Variants in PTPRN2 observed in about 807,000 individuals in gnomAD.
The protein encoded by PTPRN2 is receptor-type tyrosine-protein phosphatase N2.
A neutral mutation model predicts 118.8 loss-of-function variants in PTPRN2; 74 were observed. The ratio of observed to expected loss-of-function variants is 0.62; its 90% CI spans 0.52 to 0.76. PTPRN2 has a LOEUF of 0.76. Among genes scored for constraint, PTPRN2 ranks in the 30% least tolerant of loss-of-function variants. The probability of loss-of-function intolerance (pLI) is 0.00; values close to 1 mark genes in which losing one functional copy is unlikely to be tolerated. For missense variants in PTPRN2, 1,481 were observed against 1,394.4 expected (o/e 1.06, Z -0.99); for synonymous variants, 641 against 608.0 (o/e 1.05, Z -0.80).
chr7:158,440,817 AGTAGTGGTG>A (rs1816967687), intron 2 of PTPRN2, among the ~76,000 whole-genome samples: 1 of 28,870 alleles, frequency 3.5e-5, no homozygotes, highest in Non-Finnish European at 8.0e-5. Context: ...TGGTGGTAGT[AGTAGTGGTG>A]GTGGTGGTGA....
rs185389923 is a variant in PTPRN2 at position 158,109,187 on chromosome 7, T to A, written c.1643+1642A>T. On this transcript the variant is annotated intron_variant, in intron 10 of 22. Coordinates refer to ENST00000389418, the MANE Select transcript of PTPRN2 (RefSeq NM_002847.5). ...ATGTGTGAAAGAGACAGTGAGTGAA[T>A]GACATCACCCCTGTGTGAAGACTCA... Among the ~76,000 whole-genome samples the A allele has an allele frequency of 8.9e-5, 13 of 146,432 alleles. No individual in the cohort carries two copies. The East Asian group carries it at 2.7e-3, about 30-fold the overall frequency.
At chr7:157,684,847 G>C (rs1365142794) in intron 12 of PTPRN2, among the ~76,000 whole-genome samples, 1 of 152,014 alleles carries the variant, frequency 6.6e-6, no homozygotes, top group Non-Finnish European at 1.5e-5. Flanking sequence ...GCCCCGCCCT[G>C]TGCCCTCCTG....
chr7:157,903,853 G>A lies in PTPRN2; in HGVS notation c.1724-5116C>T, dbSNP rs1190626421. Among the ~76,000 whole-genome samples the A allele has an allele frequency of 1.3e-5, 2 of 152,156 alleles. No individual in the cohort carries two copies. Among genetic ancestry groups the A allele is most frequent in the Non-Finnish European group, 2.9e-5 (2 of 68,034 alleles). ...CACTTCAATCCGTCTCCCCATCCAG[G>A]CTGTGGATTTCCATGCACGCTTCAC... On this transcript the variant is annotated intron_variant, in intron 11 of 22. Coordinates refer to ENST00000389418, the MANE Select transcript of PTPRN2 (RefSeq NM_002847.5). The surrounding 1 kb of genome is among the most constrained non-coding windows in gnomAD (Gnocchi z 4.2).
In PTPRN2 at chr7:158,204,058, C is replaced by G. The variant is rs1276776816; in HGVS notation, c.380+1113G>C. Among the ~76,000 whole-genome samples, 7 of 150,696 alleles carry G rather than the reference C, an allele frequency of 4.6e-5. No homozygotes were observed. The South Asian group carries it at 6.3e-4, about 14-fold the overall frequency. ...CCGCGTTCTGGGGAAAGACACGGCC[C>G]CTGCCCTCAGCGAGCGCCGTGTGGT... On this transcript the variant is annotated intron_variant, in intron 4 of 22. Transcript: ENST00000389418.
intron 12 of PTPRN2, among the ~76,000 whole-genome samples, chr7:157,823,682 T>C (rs1806992068): frequency 6.6e-6 from 1 of 152,190 alleles, no homozygotes; most frequent in African/African-American, 2.4e-5. Flanking sequence ...CAAGGACTGG[T>C]GAAGTTTTCA....
chr7:158,330,476 C>A (rs1804144196), intron 2 of PTPRN2, among the ~76,000 whole-genome samples: 1 of 108,542 alleles, frequency 9.2e-6, no homozygotes, highest in Non-Finnish European at 2.1e-5. Context: ...CACCCACACT[C>A]TCACCCTAAG....
rs144413784 is a variant in PTPRN2 at position 157,655,292 on chromosome 7, G to A, written c.2196+1065C>T. ...TTTCCCCAAACGTCTGGTCCAAGCG[G>A]GTCTAGAACTGCGTGTTTCCCACCA... On this transcript the variant is annotated intron_variant, in intron 14 of 22. Coordinates refer to ENST00000389418, the MANE Select transcript of PTPRN2 (RefSeq NM_002847.5). Among the ~76,000 whole-genome samples, 23 of 152,262 alleles carry A rather than the reference G, an allele frequency of 1.5e-4. 1 individual carries two copies. The highest frequency in any genetic ancestry group is 1.5e-3 in the Admixed American group (23 of 15,302).
chr7:158,306,431 A>T (rs571470037), intron 3 of PTPRN2, among the ~76,000 whole-genome samples: 261 of 152,340 alleles, frequency 1.7e-3, no homozygotes, highest in African/African-American at 5.9e-3. Flanking sequence ...CAGAGCTGTG[A>T]ACTGCCTGTC....
chr7:157,933,360 C>G (rs890294235), intron 11 of PTPRN2, among the ~76,000 whole-genome samples: 5 of 149,160 alleles, frequency 3.4e-5, no homozygotes, highest in Non-Finnish European at 7.4e-5. Flanking sequence ...GTGAGTCACT[C>G]TGATTGACAG....
chr7:157,630,302 T>A (rs972481146), intron 14 of PTPRN2, among the ~76,000 whole-genome samples: 7 of 152,196 alleles, frequency 4.6e-5, no homozygotes, highest in African/African-American at 1.7e-4. Context: ...GTAGTACATG[T>A]GAACACAAAG....
At chr7:158,455,677 C>T (rs376537936) in intron 2 of PTPRN2, among the ~76,000 whole-genome samples, 3 of 120,548 alleles carry the variant, frequency 2.5e-5, no homozygotes, top group Non-Finnish European at 3.4e-5. Context: ...CCATCGGCCA[C>T]GGCCACCCAT....
At chr7:158,336,907 G>A (rs1490054223) in intron 2 of PTPRN2, among the ~76,000 whole-genome samples, 1 of 101,088 alleles carries the variant, frequency 9.9e-6, no homozygotes, top group Non-Finnish European at 2.3e-5. Context: ...CTCACCATAA[G>A]ATCCGACGCC....
rs934386788 is a variant in PTPRN2, at chr7:157,772,456, G to A, written c.1789-89519C>T. Among the ~76,000 whole-genome samples the A allele has an allele frequency of 2.6e-5, 4 of 152,192 alleles. No individual in the cohort carries two copies. The East Asian group carries it at 7.7e-4, about 29-fold the overall frequency. ...AGAGCCCTGGCCCGCAGACCATGGTGGCTGCAGTGTGAGCCCAGCAGAGTC... is the reference window on the plus strand; with the variant it reads ...AGAGCCCTGGCCCGCAGACCATGGTAGCTGCAGTGTGAGCCCAGCAGAGTC... On this transcript the variant is annotated intron_variant, in intron 12 of 22. Coordinates refer to ENST00000389418, the MANE Select transcript of PTPRN2 (RefSeq NM_002847.5).
At chr7:158,244,763 A>C (rs4909141) in intron 3 of PTPRN2, among the ~76,000 whole-genome samples, 5,250 of 150,606 alleles carry the variant, frequency 0.035, 121 homozygotes, top group East Asian at 0.11. Flanking sequence ...TTAGCGTCAG[A>C]GTATGTGTGG....
intron 1 of PTPRN2, among the ~76,000 whole-genome samples, chr7:158,573,772 T>G (rs1234073324): frequency 6.6e-6 from 1 of 152,150 alleles, no homozygotes; most frequent in Non-Finnish European, 1.5e-5. Flanking sequence ...GTCCTAAAAA[T>G]TAAGCTTGAT....
At chr7:157,945,230 G>A (rs1447094158) in intron 11 of PTPRN2, among the ~76,000 whole-genome samples, 2 of 152,108 alleles carry the variant, frequency 1.3e-5, no homozygotes, top group Non-Finnish European at 1.5e-5. Flanking sequence ...GACCTCATGA[G>A]CCCTCATGGT....
chr7:157,613,893 C>G (rs1051589851), intron 15 of PTPRN2: 1 of 387,098 alleles, frequency 2.6e-6, no homozygotes, highest in Non-Finnish European at 5.4e-6. Flanking sequence ...GAGCAGACCT[C>G]GGCGCTGCTA....
chr7:157,621,445 G>A lies in PTPRN2; in HGVS notation c.2261C>T (p.Ala754Val), dbSNP rs1803235949. ...RLEKEWEALC[A>V]YQAEPNSSFV... The stretch of plus-strand genomic sequence containing the variant: ...CGAGCTGTTGGGCTCCGCCTGGTAG[G>A]CGCACAGCGCTTCCCACTCCTTCTC... Residue 754 changes from alanine to valine, a missense_variant, in exon 15 of 23, where the codon GCC (alanine) becomes GTC (valine). Physicochemically the swap from Ala to Val is moderately conservative, Grantham distance 64. Coordinates refer to ENST00000389418, the MANE Select transcript of PTPRN2 (RefSeq NM_002847.5). 6.2e-7 allele frequency: 1 copy of A among 1,613,982 alleles called. No homozygotes were observed.
At chr7:158,394,380 G>A (rs111350958) in intron 2 of PTPRN2, among the ~76,000 whole-genome samples, 154 of 152,340 alleles carry the variant, frequency 1.0e-3, no homozygotes, top group African/African-American at 2.7e-3. Flanking sequence ...TGGAGGCCAC[G>A]GAAGTGTGAG....
Sources: gnomAD v4.1 joint callset for allele counts (sites outside exome capture counted in the v4.1 genomes callset) on GRCh38, gnomAD v4.1.1 for gene constraint, Gnocchi (gnomAD v3.1) non-coding constraint, MANE v1.5 for transcripts, NCBI Gene and HGNC (gene_info 2026-07-23, HGNC 2026-07-21) for gene names.